The following SFXN5 variants were observed in gnomAD, a reference collection of about 807,000 sequenced individuals.
The protein encoded by SFXN5 is sideroflexin-5.
In SFXN5, 43 loss-of-function variants were observed where a neutral mutation model predicts 50.2. That is an observed-to-expected ratio of 0.86 (90% CI 0.67 to 1.11). SFXN5 has a LOEUF of 1.11. Ranked by LOEUF, SFXN5 falls within the 50% of genes least tolerant of loss-of-function variation. The pLI is 0.00. For missense variants in SFXN5, 463 were observed against 454.1 expected (o/e 1.02, Z -0.18); for synonymous variants, 203 against 185.8 (o/e 1.09, Z -0.75).
rs752147977 is a variant in SFXN5 at position 73,040,845 on chromosome 2, C to T, written c.249+9G>A. On this transcript the variant is annotated intron_variant, in intron 3 of 13. Transcript: ENST00000272433. ...CCACTGGCCATGCTCCCACCTCCCA[C>T]AGAGTTACCTGTTCATTGGTGACCC... is the stretch of plus-strand genomic sequence containing the variant. 2 of 1,605,632 alleles carry T rather than the reference C, an allele frequency of 1.2e-6. No homozygotes were observed. The highest frequency in any genetic ancestry group is 2.2e-5 in the South Asian group (2 of 89,326).
chr2:73,059,499 C>T (rs1682570601), intron 1 of SFXN5: 1 of 985,232 alleles, frequency 1.0e-6, no homozygotes. Context: ...AGTAGGACAC[C>T]AGACCCTGCA....
intron 6 of SFXN5, among the ~76,000 whole-genome samples, chr2:73,014,318 A>G (rs966775948): frequency 6.6e-6 from 1 of 152,166 alleles, no homozygotes; most frequent in African/African-American, 2.4e-5. Flanking sequence ...ATACTATTAG[A>G]TGGTTTGTCC....
At chr2:72,952,224 G>A (rs1455876669) in intron 13 of SFXN5, among the ~76,000 whole-genome samples, 2 of 152,232 alleles carry the variant, frequency 1.3e-5, no homozygotes, top group African/African-American at 4.8e-5. Flanking sequence ...TACATTCTAA[G>A]TATACGCTTT....
In SFXN5 at chr2:72,953,792, G is replaced by C. The variant is rs910140267; in HGVS notation, c.945+7339C>G. ...TTATTCCCAGCTCTTCTCCATTCTT[G>C]GTTGGGGGTCCCAATACTTTCTCAA... is the stretch of plus-strand genomic sequence containing the variant. On this transcript the variant is annotated intron_variant, in intron 13 of 13. Coordinates refer to ENST00000272433, the MANE Select transcript of SFXN5 (RefSeq NM_144579.3). This position sits in a 1 kb window ranked among gnomAD's most constrained non-coding sequence, Gnocchi z 4.1. Among the ~76,000 whole-genome samples the C allele has an allele frequency of 2.0e-5, 3 of 152,156 alleles. No homozygotes were observed. Among genetic ancestry groups the C allele is most frequent in the African/African-American group, 7.2e-5 (3 of 41,428 alleles).
At chr2:73,031,760 C>T (rs1678335098) in intron 3 of SFXN5, among the ~76,000 whole-genome samples, 2 of 152,186 alleles carry the variant, frequency 1.3e-5, no homozygotes, top group African/African-American at 4.8e-5. Flanking sequence ...GATCCCATCA[C>T]CAGGCTGCAG....
At chr2:73,062,410 A>G (rs1222923219) in intron 1 of SFXN5, among the ~76,000 whole-genome samples, 1 of 152,160 alleles carries the variant, frequency 6.6e-6, no homozygotes, top group Non-Finnish European at 1.5e-5. Flanking sequence ...AAAGAGGATG[A>G]GCAGGGGAAG....
chr2:72,968,319 T>C (rs1218739440), intron 12 of SFXN5, 129 bp downstream of exon 12: 3 of 764,144 alleles, frequency 3.9e-6, no homozygotes, highest in Non-Finnish European at 6.6e-6. Flanking sequence ...CAAGACACCT[T>C]CCACCCTCTA....
At chr2:73,023,837 A>G (rs543259340) in intron 3 of SFXN5, among the ~76,000 whole-genome samples, 4 of 152,214 alleles carry the variant, frequency 2.6e-5, no homozygotes, top group African/African-American at 9.6e-5. Flanking sequence ...AGAAGGCTGT[A>G]GGGAGAAAAA....
chr2:73,043,388 C>G (rs879411968), intron 2 of SFXN5, among the ~76,000 whole-genome samples: 8 of 152,252 alleles, frequency 5.3e-5, no homozygotes, highest in Non-Finnish European at 1.0e-4. Flanking sequence ...ACCTCCTGTA[C>G]TATGGCAGCA....
intron 3 of SFXN5, among the ~76,000 whole-genome samples, chr2:73,037,133 C>T (rs1191975822): frequency 6.6e-6 from 1 of 152,234 alleles, no homozygotes; most frequent in Non-Finnish European, 1.5e-5. Context: ...CCCTCGATCT[C>T]CAGCACAGTG....
intron 2 of SFXN5, among the ~76,000 whole-genome samples, chr2:73,055,375 G>A (rs1170683973): frequency 6.6e-6 from 1 of 152,216 alleles, no homozygotes. Flanking sequence ...TTAACTTCCA[G>A]TCTGTCCTTT....
intron 1 of SFXN5, among the ~76,000 whole-genome samples, chr2:73,068,402 T>G (rs1019650503): frequency 6.6e-6 from 1 of 152,176 alleles, no homozygotes; most frequent in African/African-American, 2.4e-5. Flanking sequence ...AGTACATATG[T>G]AGCCAACCTT....
intron 2 of SFXN5, among the ~76,000 whole-genome samples, chr2:73,048,890 T>C (rs1680858600): frequency 6.6e-6 from 1 of 152,252 alleles, no homozygotes; most frequent in South Asian, 2.1e-4. Context: ...CCTTTGTAAT[T>C]GCTAAGTAAT....
chr2:73,027,715 A>G (rs1327276247), intron 3 of SFXN5, among the ~76,000 whole-genome samples: 1 of 151,660 alleles, frequency 6.6e-6, no homozygotes, highest in Non-Finnish European at 1.5e-5. Context: ...GCTGGAGTGC[A>G]GTGGTATCAT....
intron 12 of SFXN5, among the ~76,000 whole-genome samples, chr2:72,966,782 G>A (rs532068292): frequency 6.6e-6 from 1 of 152,314 alleles, no homozygotes; most frequent in South Asian, 2.1e-4. Flanking sequence ...CTGGGTACCA[G>A]CCCTTCTTGC....
intron 6 of SFXN5, among the ~76,000 whole-genome samples, chr2:73,012,565 A>C (rs1574115349): frequency 6.6e-6 from 1 of 151,916 alleles, no homozygotes; most frequent in African/African-American, 2.4e-5. Flanking sequence ...AAAGAGAAAA[A>C]AAGATCTCCA....
intron 13 of SFXN5, among the ~76,000 whole-genome samples, chr2:72,952,686 AG>A (rs1351573340): frequency 6.6e-6 from 1 of 152,166 alleles, no homozygotes. Flanking sequence ...CTGTCTTCTA[AG>A]CTTTGAGGCC....
chr2:73,009,486 G>A (rs569454608), intron 6 of SFXN5, among the ~76,000 whole-genome samples: 8 of 152,342 alleles, frequency 5.3e-5, no homozygotes, highest in African/African-American at 1.7e-4. Flanking sequence ...TGGCTTGACT[G>A]TTCTGAACCT....
chr2:72,957,355 C>T (rs535625824), intron 13 of SFXN5, among the ~76,000 whole-genome samples: 8 of 152,290 alleles, frequency 5.3e-5, no homozygotes, highest in African/African-American at 1.9e-4. Flanking sequence ...GTTTGACCCT[C>T]AGTACCATTT....
Sources: gnomAD v4.1 joint callset for allele counts (sites outside exome capture counted in the v4.1 genomes callset) on GRCh38, gnomAD v4.1.1 for gene constraint, Gnocchi (gnomAD v3.1) non-coding constraint, MANE v1.5 for transcripts, NCBI Gene and HGNC (gene_info 2026-07-23, HGNC 2026-07-21) for gene names.